PRIM2: variants seen among roughly 807,000 people sequenced by gnomAD.
PRIM2 encodes the protein DNA primase large subunit.
Under a neutral mutation model 67.3 loss-of-function variants are expected in PRIM2, and 39 were observed. That is an observed-to-expected ratio of 0.58 (90% CI 0.45 to 0.76). The LOEUF is 0.76. PRIM2 is among the 30% of genes least tolerant of loss of function. The probability of loss-of-function intolerance (pLI) is 0.00; values close to 1 mark genes in which losing one functional copy is unlikely to be tolerated. For synonymous variants in PRIM2, 143 were observed against 198.7 expected (o/e 0.72, Z 2.36); for missense variants, 398 against 598.7 (o/e 0.66, Z 3.50).
At chr6:57,274,348 TC>T in the PRIM2 span, among the ~76,000 whole-genome samples, 2 of 151,994 alleles carry the variant, frequency 1.3e-5, no homozygotes, top group Non-Finnish European at 2.9e-5. Flanking sequence ...TCCCCCAGCC[TC>T]CCTGCGGCCT....
At chr6:57,297,446 T>TA in the PRIM2 span, among the ~76,000 whole-genome samples, 1 of 151,678 alleles carries the variant, frequency 6.6e-6, no homozygotes, top group African/African-American at 2.4e-5. Context: ...AGACTCTGTC[T>TA]AAAAAAAAGG....
chr6:57,414,150 C>T (rs1260153809), intron 7 of PRIM2, among the ~76,000 whole-genome samples: 1 of 151,976 alleles, frequency 6.6e-6, no homozygotes, highest in Non-Finnish European at 1.5e-5. Context: ...TGAGGTGCAC[C>T]TGAGCTTTTT....
the PRIM2 span, among the ~76,000 whole-genome samples, chr6:57,233,928 A>G: frequency 7.9e-5 from 12 of 152,076 alleles, no homozygotes; most frequent in African/African-American, 2.4e-4. Context: ...CTCCCAAAGT[A>G]TTGGAATTAC....
At chr6:57,369,865 A>G (rs1284502799) in intron 5 of PRIM2, among the ~76,000 whole-genome samples, 1 of 152,200 alleles carries the variant, frequency 6.6e-6, no homozygotes, top group Non-Finnish European at 1.5e-5. Context: ...TTATTACTTG[A>G]GGAAAAAGCC....
the PRIM2 span, among the ~76,000 whole-genome samples, chr6:57,231,479 C>T: frequency 3.3e-5 from 5 of 152,174 alleles, no homozygotes; most frequent in South Asian, 1.0e-3. Context: ...CTTTAATATA[C>T]AAAGATCTCT....
At chr6:57,579,191 C>G (rs1286446643) in intron 10 of PRIM2, among the ~76,000 whole-genome samples, 1 of 146,130 alleles carries the variant, frequency 6.8e-6, no homozygotes, top group African/African-American at 2.5e-5. Context: ...CTCTCTTGAT[C>G]TCCTTCAGAG....
chr6:57,596,808 A>G (rs1214244109), intron 10 of PRIM2, among the ~76,000 whole-genome samples: 1 of 152,012 alleles, frequency 6.6e-6, no homozygotes, highest in East Asian at 1.9e-4. Flanking sequence ...ACTATACTCT[A>G]TATAGGGCAT....
In PRIM2 at chr6:57,507,428, A is replaced by T; in HGVS notation, c.735A>T (p.Arg245Ser). 1 of 1,558,926 alleles carries T rather than the reference A, an allele frequency of 6.4e-7. No individual in the cohort carries two copies. Among genetic ancestry groups the T allele is most frequent in the Non-Finnish European group, 8.7e-7 (1 of 1,152,886 alleles). Reference protein sequence around the residue: ...RSLPAVQSDERLQPLLNHLSH... With the variant: ...RSLPAVQSDESLQPLLNHLSH... Reference sequence around the variant, plus strand: ...TGCCTGCTGTGCAGTCTGATGAAAGACTTCAGCCTCTGCTCAATCACCTCA... The same window carrying T: ...TGCCTGCTGTGCAGTCTGATGAAAGTCTTCAGCCTCTGCTCAATCACCTCA... The change falls in exon 8 of 14, where the codon AGA (arginine) becomes AGT (serine). Residue 245 changes from arginine (R) to serine (S), a missense_variant. Transcript: ENST00000615550.
chr6:57,297,771 C>T, the PRIM2 span, among the ~76,000 whole-genome samples: 1 of 152,026 alleles, frequency 6.6e-6, no homozygotes, highest in Non-Finnish European at 1.5e-5. Flanking sequence ...ATAATTCTGC[C>T]AAAAATGCAC....
At chr6:57,435,771 A>G (rs1771990486) in intron 7 of PRIM2, among the ~76,000 whole-genome samples, 3 of 152,230 alleles carry the variant, frequency 2.0e-5, no homozygotes, top group Admixed American at 2.0e-4. Context: ...AAGTGGTACA[A>G]ACAGATTTTA....
intron 7 of PRIM2, among the ~76,000 whole-genome samples, chr6:57,439,367 G>A (rs1222504031): frequency 6.7e-6 from 1 of 149,404 alleles, no homozygotes; most frequent in Non-Finnish European, 1.5e-5. Flanking sequence ...TGTGTTGAGA[G>A]GGTTGGACTG....
rs1777120715 is a variant in PRIM2, at chr6:57,636,325, A to G, written c.1299+4124A>G. ...AGTAAAATGGAGGATTTAGATGTGG[A>G]TACCTCTATTTCTCTATTCCTTTTC... On this transcript the variant is annotated intron_variant, in intron 13 of 13. Transcript: ENST00000615550. Among the ~76,000 whole-genome samples, 13 of 152,286 alleles carry G rather than the reference A, an allele frequency of 8.5e-5. No individual in the cohort carries two copies. In the South Asian group the frequency reaches 2.7e-3, roughly 32 times the overall value.
chr6:57,323,141 C>CTAGTGAG (rs1469066649), intron 3 of PRIM2, among the ~76,000 whole-genome samples: 1 of 151,912 alleles, frequency 6.6e-6, no homozygotes, highest in African/African-American at 2.4e-5. Context: ...AGGGCACCGC[C>CTAGTGAG]TGGTACCTAG....
intron 7 of PRIM2, among the ~76,000 whole-genome samples, chr6:57,489,834 G>A (rs1368002804): frequency 6.6e-6 from 1 of 152,140 alleles, no homozygotes; most frequent in African/African-American, 2.4e-5. Context: ...GGTGACTGAG[G>A]CTGTTGCAAA....
At chr6:57,294,885 T>C in the PRIM2 span, among the ~76,000 whole-genome samples, 42 of 150,950 alleles carry the variant, frequency 2.8e-4, no homozygotes, top group Admixed American at 7.9e-4. Context: ...TCTCAGCTCA[T>C]TGCAACCTCC....
At chr6:57,504,712 A>T (rs1554347153) in intron 7 of PRIM2, among the ~76,000 whole-genome samples, 1 of 152,204 alleles carries the variant, frequency 6.6e-6, no homozygotes, top group Non-Finnish European at 1.5e-5. Flanking sequence ...AAGAAAAAAA[A>T]TTAAAACATA....
At chr6:57,238,942 C>T in the PRIM2 span, among the ~76,000 whole-genome samples, 8 of 152,190 alleles carry the variant, frequency 5.3e-5, no homozygotes, top group Admixed American at 3.3e-4. Flanking sequence ...TCTAGTCACA[C>T]GTCTCTCTAT....
At chr6:57,497,125 G>A (rs1235273225) in intron 7 of PRIM2, among the ~76,000 whole-genome samples, 1 of 152,184 alleles carries the variant, frequency 6.6e-6, no homozygotes, top group African/African-American at 2.4e-5. Flanking sequence ...GCAAGAACAT[G>A]TTCTAGAGTC....
intron 7 of PRIM2, among the ~76,000 whole-genome samples, chr6:57,480,620 C>G (rs1773597673): frequency 6.6e-6 from 1 of 152,098 alleles, no homozygotes; most frequent in African/African-American, 2.4e-5. Flanking sequence ...TTCTCCATTT[C>G]TCTGATTTTC....
Sources: gnomAD v4.1 joint callset for allele counts (sites outside exome capture counted in the v4.1 genomes callset) on GRCh38, gnomAD v4.1.1 for gene constraint, MANE v1.5 for transcripts, NCBI Gene and HGNC (gene_info 2026-07-23, HGNC 2026-07-21) for gene names.